Variants in PNISR observed in about 807,000 individuals in gnomAD.
PNISR encodes arginine/serine-rich protein PNISR.
In PNISR, 20 loss-of-function variants were observed where a neutral mutation model predicts 93.4. The observed-to-expected ratio is 0.21, with a 90% CI of 0.15 to 0.31. The LOEUF (loss-of-function observed/expected upper bound fraction) is 0.31, where lower values mean the gene tolerates loss of function less well. Among genes scored for constraint, PNISR ranks in the 10% least tolerant of loss-of-function variants. The probability of loss-of-function intolerance (pLI) is 1.00; values close to 1 mark genes in which losing one functional copy is unlikely to be tolerated. For synonymous variants in PNISR, 305 were observed against 306.5 expected (o/e 0.99, Z 0.05); for missense variants, 893 against 985.4 (o/e 0.91, Z 1.25).
At chr6:99,402,775 G>A in intron 10 of PNISR, 65 bp from the exon 11 acceptor site, 1 of 1,195,718 alleles carries the variant, frequency 8.4e-7, no homozygotes, top group Non-Finnish European at 1.1e-6. Context: ...AACTTTTCAA[G>A]GTCTGAGAAG....
At chr6:99,417,163 T>C (rs1777810776) in intron 1 of PNISR, among the ~76,000 whole-genome samples, 1 of 152,222 alleles carries the variant, frequency 6.6e-6, no homozygotes, top group African/African-American at 2.4e-5. Context: ...ACAGACATTA[T>C]CAACAGCTCT....
rs769350728 is a variant in PNISR at position 99,408,137 on chromosome 6, CCTT to C, written c.805_807del (p.Lys269del). 17 of 1,612,334 alleles carry C rather than the reference CCTT, an allele frequency of 1.1e-5. No homozygotes were observed. Among genetic ancestry groups the C allele is most frequent in the Non-Finnish European group, 1.4e-5 (17 of 1,179,552 alleles). ...TCCCCTCCTTCAGCATCTTCTGTGG[CCTT>C]TTTTTCTTTTTTGGACAATTGTGAA... On this transcript the variant is annotated inframe_deletion, in exon 7 of 12. Transcript: ENST00000369239.
chr6:99,421,064 T>C (rs1349885200), intron 1 of PNISR, among the ~76,000 whole-genome samples: 2 of 152,230 alleles, frequency 1.3e-5, no homozygotes, highest in Non-Finnish European at 2.9e-5. Context: ...TTGATTCCAA[T>C]TTATTCACTC....
In PNISR at chr6:99,425,285, ACTT is replaced by A. The variant is rs1223349061; in HGVS notation, c.-185_-183del. 4.1e-6 allele frequency: 5 copies of A among 1,231,954 alleles called. No homozygotes were observed. Among genetic ancestry groups the A allele is most frequent in the Non-Finnish European group, 5.1e-6 (5 of 987,924 alleles). The allele number at this position is 1,231,954 out of a possible 1,614,324, so 76.3% of individuals were successfully genotyped here. The stretch of plus-strand genomic sequence containing the variant: ...CCTCTCCAACGCTTTCGATGCTTCT[ACTT>A]CTTCGGGAACAAGACAAGATGGCGC... On this transcript the variant is annotated 5_prime_UTR_variant, in exon 1 of 12. Transcript: ENST00000369239.
chr6:99,419,077 G>GAGGTGGAA (rs1396421331), intron 1 of PNISR, among the ~76,000 whole-genome samples: 4 of 140,900 alleles, frequency 2.8e-5, no homozygotes, highest in Admixed American at 1.5e-4. Context: ...TTGAACCCGG[G>GAGGTGGAA]AGGTGGAAGT....
rs1775802547 is a variant in PNISR at position 99,403,700 on chromosome 6, CAT to C, written c.1156+127_1156+128del. 10 of 553,140 alleles carry C rather than the reference CAT, an allele frequency of 1.8e-5. No homozygotes were observed. The East Asian group carries it at 3.1e-4, about 17-fold the overall frequency. 34.3% of individuals were successfully genotyped at this position (553,140 alleles called of 1,614,324 possible). On this transcript the variant is annotated intron_variant, in intron 10 of 11. Transcript: ENST00000369239. ...AGGCAAACCTTTTTAGACAGGATGA[CAT>C]AACCCTAAGACCTAGGTTTTTATAA... is the stretch of plus-strand genomic sequence containing the variant.
Position 99,411,025 on chromosome 6 carries a change from T to C in PNISR, c.278-61A>G. 3 of 1,246,566 alleles carry C rather than the reference T, an allele frequency of 2.4e-6. No individual in the cohort carries two copies. The Admixed American group carries it at 5.7e-5, about 24-fold the overall frequency. 77.2% of individuals were successfully genotyped at this position (1,246,566 alleles called of 1,614,324 possible). ...CGGTTATAACAAAATCAACACAGAA[T>C]TTTAAGATCTCAAGAAAGATTTTTC... On this transcript the variant is annotated intron_variant, in intron 4 of 11. Transcript: ENST00000369239.
chr6:99,415,004 T>G, intron 2 of PNISR: 1 of 158,008 alleles, frequency 6.3e-6, no homozygotes, highest in Non-Finnish European at 1.4e-5. Flanking sequence ...AGGAAAAAAG[T>G]GATTTCATTT....
At chr6:99,416,125 G>A in intron 2 of PNISR, 1 of 327,662 alleles carries the variant, frequency 3.1e-6, no homozygotes, top group Non-Finnish European at 5.5e-6. Flanking sequence ...ACTGGTTTGG[G>A]TATCAGTTCC....
intron 5 of PNISR, 23 bp downstream of exon 5, chr6:99,410,718 T>G: frequency 6.4e-7 from 1 of 1,561,806 alleles, no homozygotes; most frequent in Non-Finnish European, 8.8e-7. Context: ...TCTACAATAT[T>G]AAAGCAACAA....
At chr6:99,418,230 T>C (rs184874473) in intron 1 of PNISR, among the ~76,000 whole-genome samples, 199 of 151,822 alleles carry the variant, frequency 1.3e-3, no homozygotes, top group African/African-American at 4.4e-3. Context: ...CTCTGCCTCC[T>C]GGGTTCAAGC....
rs1775524383 is a variant in PNISR, at chr6:99,401,725, C to T, written c.1328-95G>A. ...CTACCAGACTGTAACAATAGAACAC[C>T]ATTTTCAATAGAATTACGATGCAAG... On this transcript the variant is annotated intron_variant, in intron 11 of 11. Coordinates refer to ENST00000369239, the MANE Select transcript of PNISR (RefSeq NM_032870.4). 1.8e-5 allele frequency: 16 copies of T among 914,230 alleles called. No individual in the cohort carries two copies. The South Asian group carries it at 3.8e-4, about 22-fold the overall frequency. 56.6% of individuals were successfully genotyped at this position (914,230 alleles called of 1,614,324 possible).
At position 99,403,830 on chromosome 6, in the gene PNISR, G is replaced by A. The variant is rs750199388; in HGVS notation, c.1155C>T (p.Leu385=). The change falls in exon 10 of 12, where the codon CTC becomes CTT. Residue 385 remains leucine (L), a splice_region_variant and synonymous_variant. Coordinates refer to ENST00000369239, the MANE Select transcript of PNISR (RefSeq NM_032870.4). ...QSSALASLTG[L]GGLGGYGSGD... ...CTCACAAATATGGAAAACACTTACC[G>A]AGTCCAGTGAGGGAAGCCAGTGCAC... The A allele has an allele frequency of 8.1e-6, 13 of 1,610,986 alleles. No homozygotes were observed. In the East Asian group the frequency reaches 1.3e-4, roughly 17 times the overall value.
chr6:99,411,996 A>G (rs1383601015), intron 4 of PNISR: 7 of 264,658 alleles, frequency 2.6e-5, no homozygotes, highest in Non-Finnish European at 3.8e-5. Flanking sequence ...AAGCCATGGA[A>G]GACTGAATTA....
At chr6:99,422,827 T>C (rs939435467) in intron 1 of PNISR, among the ~76,000 whole-genome samples, 1 of 142,492 alleles carries the variant, frequency 7.0e-6, no homozygotes, top group African/African-American at 2.6e-5. Flanking sequence ...TGAGCCAAGA[T>C]TGTGCCACCA....
At chr6:99,404,757 G>C (rs1250041780) in intron 8 of PNISR, 55 bp from the exon 9 acceptor site, 1 of 860,458 alleles carries the variant, frequency 1.2e-6, no homozygotes. Flanking sequence ...CTAATAGTGT[G>C]ACATCTTCAA....
At chr6:99,409,508 G>T in intron 5 of PNISR, 164 bp from the exon 6 acceptor site, 1 of 563,398 alleles carries the variant, frequency 1.8e-6, no homozygotes, top group Non-Finnish European at 2.9e-6. Flanking sequence ...AAGAACCTAG[G>T]CTTACTTGTC....
intron 1 of PNISR, among the ~76,000 whole-genome samples, chr6:99,417,535 G>T (rs1777858229): frequency 6.6e-6 from 1 of 152,150 alleles, no homozygotes; most frequent in South Asian, 2.1e-4. Context: ...AAGGATTATT[G>T]TGAGGATTAA....
intron 3 of PNISR, among the ~76,000 whole-genome samples, 183 bp from the exon 4 acceptor site, chr6:99,412,922 G>C (rs1051414295): frequency 6.6e-6 from 1 of 152,138 alleles, no homozygotes; most frequent in African/African-American, 2.4e-5. Context: ...TACTGTGTCT[G>C]AAAGGGTACT....
Sources: allele counts gnomAD v4.1 joint callset (sites outside exome capture counted in the v4.1 genomes callset), GRCh38; gene constraint gnomAD v4.1.1; transcripts MANE v1.5; gene names NCBI Gene and HGNC (gene_info 2026-07-23, HGNC 2026-07-21).